HRH1: variants seen among roughly 807,000 people sequenced by gnomAD.
HRH1 encodes the protein histamine receptor H1.
HRH1 carries 6 observed loss-of-function variants against 10.3 expected under a neutral mutation model. That is an observed-to-expected ratio of 0.58 (90% CI 0.32 to 1.15). The LOEUF (loss-of-function observed/expected upper bound fraction) is 1.15, where lower values mean the gene tolerates loss of function less well. Among genes scored for constraint, HRH1 ranks in the 50% most tolerant of loss-of-function variants. The pLI is 0.05. For missense variants in HRH1, 514 were observed against 615.3 expected, an observed-to-expected ratio of 0.84 and a Z score of 1.74; for synonymous variants, 242 against 236.7, an observed-to-expected ratio of 1.02 and a Z score of -0.21.
chr3:11,215,832 A>G (rs577460035), intron 1 of HRH1, among the ~76,000 whole-genome samples: 1 of 152,314 alleles, frequency 6.6e-6, no homozygotes, highest in South Asian at 2.1e-4. Context: ...AGCTCTTCCT[A>G]CTAATACACA....
At chr3:11,190,358 T>G (rs1937515134) in intron 1 of HRH1, among the ~76,000 whole-genome samples, 1 of 146,872 alleles carries the variant, frequency 6.8e-6, no homozygotes, top group African/African-American at 2.6e-5. Context: ...GTAATATATA[T>G]ATATATATTT....
At chr3:11,189,853 G>C (rs1243849600) in intron 1 of HRH1, among the ~76,000 whole-genome samples, 1 of 152,176 alleles carries the variant, frequency 6.6e-6, no homozygotes, top group Non-Finnish European at 1.5e-5. Flanking sequence ...GGGAGGCTGA[G>C]GCACAAGAAT....
intron 1 of HRH1, among the ~76,000 whole-genome samples, chr3:11,235,015 A>G (rs1256199178): frequency 6.6e-6 from 1 of 152,010 alleles, no homozygotes; most frequent in Non-Finnish European, 1.5e-5. Context: ...GGAGATCGAG[A>G]CCATCCTGGC....
At chr3:11,215,741 G>A (rs567186659) in intron 1 of HRH1, among the ~76,000 whole-genome samples, 8 of 152,060 alleles carry the variant, frequency 5.3e-5, no homozygotes, top group Non-Finnish European at 1.0e-4. Flanking sequence ...GCGCCCAGCC[G>A]GGTCACTGTG....
intron 1 of HRH1, among the ~76,000 whole-genome samples, chr3:11,249,485 G>T (rs440646): frequency 0.73 from 109,334 of 150,384 alleles, 41,245 homozygotes; most frequent in African/African-American, 0.93. Context: ...GAAGCACATT[G>T]TGAAATATCC....
intron 1 of HRH1, among the ~76,000 whole-genome samples, chr3:11,230,530 A>G (rs1353432224): frequency 6.6e-6 from 1 of 152,232 alleles, no homozygotes; most frequent in Non-Finnish European, 1.5e-5. Context: ...ACAGTGTAAA[A>G]GCCCTTGCTA....
intron 1 of HRH1, among the ~76,000 whole-genome samples, chr3:11,182,826 A>G (rs1165905348): frequency 1.3e-5 from 2 of 152,200 alleles, no homozygotes; most frequent in African/African-American, 4.8e-5. Context: ...TTCTTACCTA[A>G]GGGCTCATGT....
chr3:11,204,648 G>C (rs558631228), intron 1 of HRH1, among the ~76,000 whole-genome samples: 36 of 152,310 alleles, frequency 2.4e-4, no homozygotes, highest in Middle Eastern at 3.4e-3. Context: ...CTACGTGTTA[G>C]GTGCTTTACC....
chr3:11,175,715 T>G (rs897459681), intron 1 of HRH1, among the ~76,000 whole-genome samples: 1 of 152,182 alleles, frequency 6.6e-6, no homozygotes, highest in Non-Finnish European at 1.5e-5. Context: ...TGTAACCACA[T>G]CTAGAATCAG....
Position 11,261,713 on chromosome 3 carries a change from T to G in HRH1, c.*1212T>G, listed in dbSNP as rs895543525. On this transcript the variant is annotated 3_prime_UTR_variant, in exon 2 of 2. Coordinates refer to ENST00000431010, the MANE Select transcript of HRH1 (RefSeq NM_001098212.2). The stretch of plus-strand genomic sequence containing the variant: ...TTATCTGGGCATGGTGGGGCATGCC[T>G]GTAGTCCCACTTACTTGGGAGGCCG... 6.4e-6 allele frequency: 1 copy of G among 155,428 alleles called. No individual in the cohort carries two copies. The highest frequency in any genetic ancestry group is 1.5e-5 in the Non-Finnish European group (1 of 68,096). The allele number at this position is 155,428 out of a possible 1,614,324, so 9.6% of individuals were successfully genotyped here.
chr3:11,153,770 T>G (rs920302340), upstream of HRH1, among the ~76,000 whole-genome samples: 6 of 152,062 alleles, frequency 3.9e-5, no homozygotes, highest in African/African-American at 1.4e-4. Context: ...CCCACCCCAC[T>G]CCTCCCCTTG....
chr3:11,190,689 G>A (rs1239929701), intron 1 of HRH1, among the ~76,000 whole-genome samples: 1 of 151,808 alleles, frequency 6.6e-6, no homozygotes, highest in Non-Finnish European at 1.5e-5. Context: ...CAGCGCAACC[G>A]GCTAAAAAAA....
In HRH1 at chr3:11,240,398, C is replaced by A. The variant is rs1054185261; in HGVS notation, c.-35-18605C>A. ...CTTTTAAAAACAGGCAGATCTGAGT[C>A]TGCAGCAGTTGGTAGAATGTGAGTG... On this transcript the variant is annotated intron_variant, in intron 1 of 1. Coordinates refer to ENST00000431010, the MANE Select transcript of HRH1 (RefSeq NM_001098212.2). Among the ~76,000 whole-genome samples the A allele has an allele frequency of 5.9e-5, 9 of 152,228 alleles. 1 individual carries two copies. The highest frequency in any genetic ancestry group is 2.2e-4 in the African/African-American group (9 of 41,540).
intron 1 of HRH1, among the ~76,000 whole-genome samples, chr3:11,171,204 A>G (rs562730114): frequency 6.0e-5 from 9 of 149,046 alleles, no homozygotes; most frequent in Admixed American, 1.3e-4. Context: ...GTAACCTTCT[A>G]TACCTGGGTT....
chr3:11,169,366 C>T (rs748689599), intron 1 of HRH1, among the ~76,000 whole-genome samples: 8 of 152,244 alleles, frequency 5.3e-5, no homozygotes, highest in East Asian at 1.9e-4. Context: ...TTGAAGTAGA[C>T]GCCTCATTGC....
At chr3:11,244,861 A>G (rs1393217554) in intron 1 of HRH1, among the ~76,000 whole-genome samples, 3 of 152,212 alleles carry the variant, frequency 2.0e-5, no homozygotes, top group East Asian at 1.9e-4. Flanking sequence ...CAGTTGGATC[A>G]GTGGTTCTAT....
At chr3:11,240,377 T>TA (rs1468416060) in intron 1 of HRH1, among the ~76,000 whole-genome samples, 1 of 152,118 alleles carries the variant, frequency 6.6e-6, no homozygotes, top group Non-Finnish European at 1.5e-5. Context: ...TGTTTCCTTT[T>TA]AAAAACAGGC....
Position 11,181,083 on chromosome 3 carries a change from G to A in HRH1, c.-36+26529G>A, listed in dbSNP as rs926903876. 2.0e-5 allele frequency among the ~76,000 whole-genome samples: 3 copies of A among 151,790 alleles called. No homozygotes were observed. In the South Asian group the frequency reaches 6.2e-4, roughly 32 times the overall value. ...GGATAGCTTGAGCCCAGGAGTTCAAGACCAGCCTGGGCAATATGGCAAAAT... is the reference window on the plus strand; with the variant it reads ...GGATAGCTTGAGCCCAGGAGTTCAAAACCAGCCTGGGCAATATGGCAAAAT... On this transcript the variant is annotated intron_variant, in intron 1 of 1. Transcript: ENST00000431010.
chr3:11,218,095 C>A (rs1022141082), intron 1 of HRH1, among the ~76,000 whole-genome samples: 1 of 152,190 alleles, frequency 6.6e-6, no homozygotes, highest in African/African-American at 2.4e-5. Context: ...AATTAAAAGG[C>A]AGCAAATTTT....
Sources: gnomAD v4.1 joint callset for allele counts (sites outside exome capture counted in the v4.1 genomes callset) on GRCh38, gnomAD v4.1.1 for gene constraint, MANE v1.5 for transcripts, NCBI Gene and HGNC (gene_info 2026-07-23, HGNC 2026-07-21) for gene names.